Variants in RB1 observed in about 807,000 individuals in gnomAD.
RB1 encodes the protein RB transcriptional corepressor 1.
In RB1, 18 loss-of-function variants were observed where a neutral mutation model predicts 135.4. The observed-to-expected ratio is 0.13, with a 90% CI of 0.09 to 0.20. The LOEUF is 0.20. RB1 is among the 10% of genes least tolerant of loss of function. RB1 has a pLI of 1.00. For synonymous variants in RB1, 365 were observed against 373.2 expected (o/e 0.98, Z 0.25); for missense variants, 868 against 1,110.0 (o/e 0.78, Z 3.10).
At position 48,319,620 on chromosome 13, in the gene RB1, C is replaced by T. The variant is rs1180776756; in HGVS notation, c.264+12214C>T. On this transcript the variant is annotated intron_variant, in intron 2 of 26. Transcript: ENST00000267163. The surrounding 1 kb of genome is among the most constrained non-coding windows in gnomAD (Gnocchi z 5.0). ...CGTCTTTGCTAACCGGGGAGGTTTG[C>T]GAAAGGCGAACTCTTTATGGGCGCC... is the stretch of plus-strand genomic sequence containing the variant. 1.2e-5 allele frequency: 3 copies of T among 251,968 alleles called. No individual in the cohort carries two copies. Among genetic ancestry groups the T allele is most frequent in the African/African-American group, 6.9e-5 (3 of 43,326 alleles). The allele number at this position is 251,968 out of a possible 1,614,324, so 15.6% of individuals were successfully genotyped here.
intron 2 of RB1, chr13:48,318,801 T>C: frequency 1.2e-6 from 1 of 847,706 alleles, no homozygotes. Context: ...AAGTGGGCCC[T>C]GGGCAGCCTG....
At chr13:48,463,680 C>CA in intron 20 of RB1, 51 bp from the exon 21 acceptor site, 2 of 1,120,704 alleles carry the variant, frequency 1.8e-6, no homozygotes, top group Non-Finnish European at 2.7e-6. Context: ...TTTTTAAGAA[C>CA]AAAACCATGT....
At chr13:48,327,425 T>C (rs1444644671) in intron 2 of RB1, among the ~76,000 whole-genome samples, 1 of 152,196 alleles carries the variant, frequency 6.6e-6, no homozygotes, top group African/African-American at 2.4e-5. Flanking sequence ...TTAATGAAGA[T>C]AGACAAGACC....
intron 2 of RB1, chr13:48,320,303 C>T (rs2138054842): frequency 1.6e-6 from 2 of 1,240,434 alleles, no homozygotes; most frequent in Non-Finnish European, 2.3e-6. Context: ...CGAGCAACCC[C>T]GCTGCGCTGC....
At chr13:48,375,313 C>T (rs907975963) in intron 12 of RB1, among the ~76,000 whole-genome samples, 3 of 152,028 alleles carry the variant, frequency 2.0e-5, no homozygotes, top group Admixed American at 6.5e-5. Context: ...GTTTTTCCTT[C>T]ATTTTACTTC....
intron 17 of RB1, among the ~76,000 whole-genome samples, chr13:48,446,674 G>A (rs914070688): frequency 2.0e-5 from 3 of 152,064 alleles, no homozygotes; most frequent in African/African-American, 7.3e-5. Flanking sequence ...TAGGAAGCAT[G>A]GTCAAAGAGT....
At chr13:48,321,009 CTG>C (rs1443443442) in intron 2 of RB1, among the ~76,000 whole-genome samples, 2 of 152,178 alleles carry the variant, frequency 1.3e-5, no homozygotes, top group Non-Finnish European at 2.9e-5. Flanking sequence ...ACTAGGTCGA[CTG>C]TGAAACTGCA....
At chr13:48,436,220 C>A (rs1390150985) in intron 17 of RB1, among the ~76,000 whole-genome samples, 1 of 152,106 alleles carries the variant, frequency 6.6e-6, no homozygotes, top group African/African-American at 2.4e-5. Flanking sequence ...AATGTTTGAA[C>A]CTATTATATT....
At chr13:48,384,219 A>C (rs1948556483) in intron 17 of RB1, among the ~76,000 whole-genome samples, 1 of 152,158 alleles carries the variant, frequency 6.6e-6, no homozygotes, top group Admixed American at 6.6e-5. Context: ...TATTAAATGT[A>C]GTATCTCTGG....
chr13:48,421,025 G>GA, intron 17 of RB1, among the ~76,000 whole-genome samples: 1 of 151,932 alleles, frequency 6.6e-6, no homozygotes, highest in Non-Finnish European at 1.5e-5. Context: ...TATAAAATTA[G>GA]AAAAAACTAC....
At chr13:48,379,316 T>C (rs1166535587) in intron 13 of RB1, among the ~76,000 whole-genome samples, 1 of 152,176 alleles carries the variant, frequency 6.6e-6, no homozygotes, top group Non-Finnish European at 1.5e-5. Flanking sequence ...ACAAGCTAGC[T>C]TTTGTGTTGT....
chr13:48,357,495 T>C (rs1436471691), intron 6 of RB1, among the ~76,000 whole-genome samples: 3 of 152,090 alleles, frequency 2.0e-5, no homozygotes, highest in Non-Finnish European at 4.4e-5. Context: ...CAATAATATG[T>C]ATTTGGATCA....
At chr13:48,456,596 C>T (rs140015060) in intron 19 of RB1, among the ~76,000 whole-genome samples, 3 of 152,222 alleles carry the variant, frequency 2.0e-5, no homozygotes, top group Admixed American at 6.5e-5. Context: ...TCAGGCCCAC[C>T]GGGCTCATTT....
At chr13:48,317,041 G>C in intron 2 of RB1, 1 of 674,412 alleles carries the variant, frequency 1.5e-6, no homozygotes, top group Non-Finnish European at 2.3e-6. Context: ...CTCCTGTCGG[G>C]CAAACTCCGC....
intron 23 of RB1, among the ~76,000 whole-genome samples, chr13:48,471,657 T>C (rs1341277997): frequency 6.6e-6 from 1 of 152,076 alleles, no homozygotes; most frequent in Non-Finnish European, 1.5e-5. Flanking sequence ...GTATCTTCTT[T>C]TGAGAACAAT....
In RB1 at chr13:48,360,004, AT is replaced by A. The variant is rs762805947; in HGVS notation, c.608-4del. 2.6e-4 allele frequency: 416 copies of A among 1,594,596 alleles called. 1 individual carries two copies. Among genetic ancestry groups the A allele is most frequent in the Middle Eastern group, 8.5e-4 (5 of 5,862 alleles). The stretch of plus-strand genomic sequence containing the variant: ...TCTCTAACTTTCTTTAAAAATGTAC[AT>A]TTTTTTTTCAGGGGAAGTATTACAA... On this transcript the variant is annotated splice_polypyrimidine_tract_variant and intron_variant, in intron 6 of 26. Transcript: ENST00000267163.
intron 17 of RB1, among the ~76,000 whole-genome samples, chr13:48,397,267 G>A (rs1428032691): frequency 9.9e-5 from 15 of 152,172 alleles, no homozygotes; most frequent in Admixed American, 9.8e-4. Context: ...GTGGTAGACT[G>A]GATAAAGAAA....
At position 48,349,994 on chromosome 13, in the gene RB1, G is replaced by A. The variant is rs114284133; in HGVS notation, c.607+971G>A. ...GTCAATTCAGCAAGAGGATATAACA[G>A]TGTTAAATATTTATGCAACTAATAC... On this transcript the variant is annotated intron_variant, in intron 6 of 26. Transcript: ENST00000267163. Among the ~76,000 whole-genome samples the A allele has an allele frequency of 8.3e-3, 1,260 of 152,086 alleles. 15 individuals are homozygous for A. The highest frequency in any genetic ancestry group is 0.029 in the African/African-American group (1,204 of 41,498).
Position 48,369,943 on chromosome 13 carries a change from T to G in RB1, c.1127+1339T>G, listed in dbSNP as rs1193217596. 2.0e-5 allele frequency among the ~76,000 whole-genome samples: 3 copies of G among 152,230 alleles called. No homozygotes were observed. The East Asian group carries it at 5.8e-4, about 29-fold the overall frequency. ...CATATCACAGAGACCATAACCTTTT[T>G]GTTCACTGTCTAATAATTAGGGCCT... is the stretch of plus-strand genomic sequence containing the variant. On this transcript the variant is annotated intron_variant, in intron 11 of 26. Coordinates refer to ENST00000267163, the MANE Select transcript of RB1 (RefSeq NM_000321.3).
Sources: gnomAD v4.1 joint callset for allele counts (sites outside exome capture counted in the v4.1 genomes callset) on GRCh38, gnomAD v4.1.1 for gene constraint, Gnocchi (gnomAD v3.1) non-coding constraint, MANE v1.5 for transcripts, NCBI Gene and HGNC (gene_info 2026-07-23, HGNC 2026-07-21) for gene names.